Variants in ADGRE1 observed in about 807,000 individuals in gnomAD.
The protein encoded by ADGRE1 is EGF-like module receptor 1.
A neutral mutation model predicts 102.7 loss-of-function variants in ADGRE1; 82 were observed. The observed-to-expected ratio is 0.80, with a 90% CI of 0.67 to 0.96. The LOEUF (loss-of-function observed/expected upper bound fraction) is 0.96, where lower values mean the gene tolerates loss of function less well. Among genes scored for constraint, ADGRE1 ranks in the 40% least tolerant of loss-of-function variants. ADGRE1 has a pLI of 0.00. For synonymous variants in ADGRE1, 398 were observed against 399.6 expected (o/e 1.00, Z 0.05); for missense variants, 1,032 against 1,085.3 (o/e 0.95, Z 0.69).
rs755188169 is a variant in ADGRE1, at chr19:6,903,832, G to T, written c.684G>T (p.Met228Ile). ...CAGATATTGATGAATGCACTGAAAT[G>T]TGCCCCATCAATTCAACATGCACCA... ...SCEDIDECTE[M>I]CPINSTCTNT... The change falls in exon 7 of 21, where the codon ATG (methionine) becomes ATT (isoleucine). Residue 228 changes from methionine (M) to isoleucine (I), a missense_variant. Met to Ile is a conservative substitution (Grantham distance 10, BLOSUM62 1). Transcript: ENST00000312053. 6.2e-7 allele frequency: 1 copy of T among 1,614,096 alleles called. No individual in the cohort carries two copies. The highest frequency in any genetic ancestry group is 1.1e-5 in the South Asian group (1 of 91,078).
chr19:6,907,134 T>C (rs915750951), intron 9 of ADGRE1, among the ~76,000 whole-genome samples: 1 of 152,150 alleles, frequency 6.6e-6, no homozygotes, highest in Non-Finnish European at 1.5e-5. Context: ...ATGACCTCTT[T>C]AGAAATCAAT....
intron 15 of ADGRE1, among the ~76,000 whole-genome samples, chr19:6,925,076 C>G (rs1974840691): frequency 6.6e-6 from 1 of 152,076 alleles, no homozygotes; most frequent in Non-Finnish European, 1.5e-5. Context: ...TGTCCCTGAT[C>G]GTGTTATGAA....
At chr19:6,934,286 G>A (rs1297502955) in intron 17 of ADGRE1, among the ~76,000 whole-genome samples, 1 of 152,118 alleles carries the variant, frequency 6.6e-6, no homozygotes, top group Admixed American at 6.6e-5. Context: ...TAAGTTGGAA[G>A]TAGGGACAAA....
Position 6,924,733 on chromosome 19 carries a change from G to C in ADGRE1, c.1847G>C (p.Cys616Ser), listed in dbSNP as rs748951867. The C allele has an allele frequency of 6.2e-7, 1 of 1,614,110 alleles. No individual in the cohort carries two copies. The highest frequency in any genetic ancestry group is 1.1e-5 in the South Asian group (1 of 91,084). ...SHVGIIISLVCLVLAIATFLL... is the reference protein window; with the variant it reads ...SHVGIIISLVSLVLAIATFLL... ...GTAGGCATTATCATCTCCTTGGTGTGCCTCGTCTTGGCCATCGCCACCTTT... is the reference window on the plus strand; with the variant it reads ...GTAGGCATTATCATCTCCTTGGTGTCCCTCGTCTTGGCCATCGCCACCTTT... The change falls in exon 15 of 21, where the codon TGC (cysteine) becomes TCC (serine). Residue 616 changes from cysteine to serine, a missense_variant. Coordinates refer to ENST00000312053, the MANE Select transcript of ADGRE1 (RefSeq NM_001974.5).
intron 17 of ADGRE1, among the ~76,000 whole-genome samples, chr19:6,934,738 C>T (rs1390428076): frequency 6.6e-6 from 1 of 151,298 alleles, no homozygotes; most frequent in Non-Finnish European, 1.5e-5. Flanking sequence ...GCTGTGATTA[C>T]AGGCATCCAC....
chr19:6,903,585 CT>C (rs1183169347), intron 6 of ADGRE1, among the ~76,000 whole-genome samples: 1 of 152,160 alleles, frequency 6.6e-6, no homozygotes, highest in Non-Finnish European at 1.5e-5. Flanking sequence ...GTCACACCCA[CT>C]TCTTGACCAC....
intron 5 of ADGRE1, 133 bp from the exon 6 acceptor site, chr19:6,901,742 G>C (rs1809327194): frequency 8.6e-6 from 8 of 925,944 alleles, no homozygotes; most frequent in East Asian, 2.4e-5. Context: ...TGGGAAGAAG[G>C]GGGGAACATG....
chr19:6,937,149 G>A, intron 18 of ADGRE1, 94 bp from the exon 19 acceptor site: 2 of 1,423,416 alleles, frequency 1.4e-6, no homozygotes, highest in South Asian at 2.7e-5. Flanking sequence ...GTGGCAAATT[G>A]GAGAGTGGCC....
At chr19:6,933,585 C>G (rs1975257270) in intron 17 of ADGRE1, among the ~76,000 whole-genome samples, 2 of 152,004 alleles carry the variant, frequency 1.3e-5, no homozygotes, top group Admixed American at 1.3e-4. Context: ...TGGGGTTTCT[C>G]CATGTTGGTC....
At chr19:6,891,493 G>A (rs1973370432) in intron 2 of ADGRE1, among the ~76,000 whole-genome samples, 1 of 143,976 alleles carries the variant, frequency 6.9e-6, no homozygotes, top group Admixed American at 7.0e-5. Flanking sequence ...TCGCTCTGTT[G>A]CCCAGGCTGG....
At chr19:6,917,296 G>A (rs111374725) in intron 12 of ADGRE1, among the ~76,000 whole-genome samples, 8 of 152,302 alleles carry the variant, frequency 5.3e-5, no homozygotes, top group African/African-American at 1.9e-4. Context: ...CTATTTAAGC[G>A]AAGTCCTGAG....
chr19:6,902,848 T>C (rs1258922316), intron 6 of ADGRE1, among the ~76,000 whole-genome samples: 4 of 152,250 alleles, frequency 2.6e-5, no homozygotes, highest in Non-Finnish European at 5.9e-5. Context: ...GCAATTCTTT[T>C]GCCTCAGCCT....
In ADGRE1 at chr19:6,928,170, T is replaced by G; in HGVS notation, c.2248T>G (p.Phe750Val). Residue 750 changes from phenylalanine to valine, a missense_variant, in exon 17 of 21, where the codon TTC (phenylalanine) becomes GTC (valine). Transcript: ENST00000312053. ...CTGCTGGCTGAATACAGAGACAGGGTTCATCTGGAGTTTCTTGGGGCCAGT... is the reference window on the plus strand; with the variant it reads ...CTGCTGGCTGAATACAGAGACAGGGGTCATCTGGAGTTTCTTGGGGCCAGT... ...NRCWLNTETG[F>V]IWSFLGPVCT... 1 of 1,613,998 alleles carries G rather than the reference T, an allele frequency of 6.2e-7. No individual in the cohort carries two copies. Among genetic ancestry groups the G allele is most frequent in the East Asian group, 2.2e-5 (1 of 44,880 alleles).
At chr19:6,927,229 C>T (rs1343653912) in intron 16 of ADGRE1, among the ~76,000 whole-genome samples, 1 of 118,340 alleles carries the variant, frequency 8.5e-6, no homozygotes, top group African/African-American at 3.1e-5. Flanking sequence ...CTCCCCTCTT[C>T]CCTCCCTCCT....
At chr19:6,897,026 A>T (rs1973579061) in intron 3 of ADGRE1, 123 bp from the exon 4 acceptor site, 6 of 981,468 alleles carry the variant, frequency 6.1e-6, no homozygotes, top group Non-Finnish European at 8.8e-6. Context: ...TTGACAGAAG[A>T]AGTACCAAAG....
rs183627968 is a variant in ADGRE1, at chr19:6,922,983, G to A, written c.1791+1100G>A. Among the ~76,000 whole-genome samples the A allele has an allele frequency of 8.4e-3, 1,271 of 151,984 alleles. 19 individuals carry two copies. The highest frequency in any genetic ancestry group is 0.029 in the African/African-American group (1,203 of 41,472). ...TCCAAGCTACTCGGGAGGCTGAGGCGGGAGAATGGCGTGAACCCGGGAGGC... is the reference window on the plus strand; with the variant it reads ...TCCAAGCTACTCGGGAGGCTGAGGCAGGAGAATGGCGTGAACCCGGGAGGC... On this transcript the variant is annotated intron_variant, in intron 14 of 20. Transcript: ENST00000312053.
At chr19:6,916,675 G>A (rs768272145) in intron 12 of ADGRE1, among the ~76,000 whole-genome samples, 37 of 151,930 alleles carry the variant, frequency 2.4e-4, no homozygotes, top group Non-Finnish European at 2.9e-4. Context: ...ACTGTATTTC[G>A]AAGCTTTGTT....
Position 6,904,162 on chromosome 19 carries a change from A to C in ADGRE1, c.929A>C (p.Asp310Ala). ...CCCAATCCAGAAGGCTCCCAGAAAG[A>C]TGGCAACTTCAGCTGCCAAAGTAAT... ...FHPNPEGSQK[D>A]GNFSCQRVLF... The change falls in exon 8 of 21, where the codon GAT (aspartate) becomes GCT (alanine). Residue 310 changes from aspartate (D) to alanine (A), a missense_variant. By Grantham distance (126) the Asp-to-Ala change is moderately radical. Transcript: ENST00000312053. The C allele has an allele frequency of 6.2e-7, 1 of 1,614,130 alleles. No individual in the cohort carries two copies. The highest frequency in any genetic ancestry group is 8.5e-7 in the Non-Finnish European group (1 of 1,180,024).
chr19:6,928,520 A>T, intron 17 of ADGRE1: 2 of 432,458 alleles, frequency 4.6e-6, no homozygotes, highest in Non-Finnish European at 4.1e-6. Flanking sequence ...CCAGCTACTT[A>T]GGAGGCTGAG....
Sources: gnomAD v4.1 joint callset for allele counts (sites outside exome capture counted in the v4.1 genomes callset) on GRCh38, gnomAD v4.1.1 for gene constraint, MANE v1.5 for transcripts, NCBI Gene and HGNC (gene_info 2026-07-23, HGNC 2026-07-21) for gene names.